Variants in MAN2A1 observed in about 807,000 individuals in gnomAD.
MAN2A1 encodes alpha-mannosidase 2.
Under a neutral mutation model 142.6 loss-of-function variants are expected in MAN2A1, and 76 were observed. The observed-to-expected ratio is 0.53, with a 90% confidence interval of 0.44 to 0.65. The LOEUF is 0.65. MAN2A1 is among the 30% of genes least tolerant of loss of function. The probability of loss-of-function intolerance (pLI) is 0.00; values close to 1 mark genes in which losing one functional copy is unlikely to be tolerated. For missense variants in MAN2A1, 1,311 were observed against 1,365.1 expected, an observed-to-expected ratio of 0.96 and a Z score of 0.62; for synonymous variants, 559 against 473.2, an observed-to-expected ratio of 1.18 and a Z score of -2.35.
At chr5:109,815,760 A>C (rs1271617354) in intron 12 of MAN2A1, among the ~76,000 whole-genome samples, 1 of 152,202 alleles carries the variant, frequency 6.6e-6, no homozygotes, top group East Asian at 1.9e-4. Context: ...TATATAGAAC[A>C]CATATACAGG....
At chr5:109,745,677 G>A (rs1029440302) in intron 4 of MAN2A1, among the ~76,000 whole-genome samples, 1 of 152,210 alleles carries the variant, frequency 6.6e-6, no homozygotes, top group South Asian at 2.1e-4. Flanking sequence ...GGAGTGCAGT[G>A]GTACTATCAT....
At chr5:109,702,074 CA>C (rs1365696276) in intron 1 of MAN2A1, among the ~76,000 whole-genome samples, 1 of 152,052 alleles carries the variant, frequency 6.6e-6, no homozygotes, top group Non-Finnish European at 1.5e-5. Context: ...TTCTGATAAC[CA>C]AAAGCTGCAC....
rs143585162 is a variant in MAN2A1, at chr5:109,827,108, C to T, written c.2566+3271C>T. Among the ~76,000 whole-genome samples the T allele has an allele frequency of 6.1e-3, 936 of 152,218 alleles. 11 individuals are homozygous for T. The highest frequency in any genetic ancestry group is 0.021 in the African/African-American group (886 of 41,534). The stretch of plus-strand genomic sequence containing the variant: ...TTGCATGAGTATTAATGAATAGAGC[C>T]TATTTGTTGTTAGTACCAGATTTTC... On this transcript the variant is annotated intron_variant, in intron 16 of 21. Coordinates refer to ENST00000261483, the MANE Select transcript of MAN2A1 (RefSeq NM_002372.4).
At chr5:109,714,021 CT>C in intron 2 of MAN2A1, among the ~76,000 whole-genome samples, 1 of 151,962 alleles carries the variant, frequency 6.6e-6, no homozygotes, top group East Asian at 1.9e-4. Flanking sequence ...TTTTTGTATG[CT>C]TTTCAGGTCT....
chr5:109,711,977 G>C (rs1242806142), intron 1 of MAN2A1, among the ~76,000 whole-genome samples: 1 of 152,118 alleles, frequency 6.6e-6, no homozygotes, highest in Non-Finnish European at 1.5e-5. Flanking sequence ...GGTCTGAGAA[G>C]GTACATGGCT....
intron 1 of MAN2A1, among the ~76,000 whole-genome samples, chr5:109,696,204 G>C (rs964379097): frequency 6.6e-6 from 1 of 151,914 alleles, no homozygotes; most frequent in Non-Finnish European, 1.5e-5. Context: ...GGGTTCAAGC[G>C]ATTCTCCTGC....
intron 5 of MAN2A1, among the ~76,000 whole-genome samples, chr5:109,765,368 T>C (rs1002796623): frequency 2.6e-5 from 4 of 152,168 alleles, no homozygotes; most frequent in Non-Finnish European, 5.9e-5. Flanking sequence ...TCAAGTTATT[T>C]ATGTATTCTT....
intron 12 of MAN2A1, among the ~76,000 whole-genome samples, chr5:109,811,333 T>C (rs1754311107): frequency 6.6e-6 from 1 of 152,138 alleles, no homozygotes; most frequent in Non-Finnish European, 1.5e-5. Context: ...TTCCAAGAAA[T>C]GAAATTCAGT....
intron 12 of MAN2A1, among the ~76,000 whole-genome samples, chr5:109,815,801 C>T (rs539019620): frequency 5.1e-4 from 78 of 152,144 alleles, no homozygotes; most frequent in African/African-American, 1.7e-3. Flanking sequence ...TTGGTGCTAC[C>T]ATCTATAGCT....
chr5:109,692,060 T>A (rs1236934314), intron 1 of MAN2A1, among the ~76,000 whole-genome samples: 1 of 152,204 alleles, frequency 6.6e-6, no homozygotes, highest in African/African-American at 2.4e-5. Flanking sequence ...TAAAATAATG[T>A]CCTTTGGCTT....
intron 9 of MAN2A1, among the ~76,000 whole-genome samples, chr5:109,784,405 CAG>C (rs573447035): frequency 1.5e-3 from 224 of 152,090 alleles, no homozygotes; most frequent in Admixed American, 4.3e-3. Flanking sequence ...GAAGAAAGGA[CAG>C]AGAAATTTAT....
intron 12 of MAN2A1, among the ~76,000 whole-genome samples, chr5:109,807,159 C>T (rs867375098): frequency 2.0e-5 from 3 of 152,028 alleles, no homozygotes; most frequent in Admixed American, 6.5e-5. Flanking sequence ...GGGCTAGACC[C>T]ACTTCATTTA....
intron 3 of MAN2A1, among the ~76,000 whole-genome samples, chr5:109,717,970 G>A (rs1751501110): frequency 6.6e-6 from 1 of 152,168 alleles, no homozygotes; most frequent in Non-Finnish European, 1.5e-5. Flanking sequence ...GTGAGGTGAG[G>A]TGCTCCCACT....
chr5:109,769,122 G>C (rs544500682), intron 6 of MAN2A1, among the ~76,000 whole-genome samples: 2 of 152,264 alleles, frequency 1.3e-5, no homozygotes, highest in African/African-American at 4.8e-5. Flanking sequence ...AGAGTTTTAG[G>C]ACTTGTGACA....
At chr5:109,800,356 C>T (rs997221045) in intron 12 of MAN2A1, among the ~76,000 whole-genome samples, 16 of 152,116 alleles carry the variant, frequency 1.1e-4, no homozygotes, top group African/African-American at 3.9e-4. Context: ...TGCTATAAAC[C>T]TCTTGCCGGT....
intron 16 of MAN2A1, among the ~76,000 whole-genome samples, chr5:109,841,322 A>T (rs1020550791): frequency 6.6e-6 from 1 of 152,052 alleles, no homozygotes; most frequent in Admixed American, 6.6e-5. Flanking sequence ...CAAGTCCCCA[A>T]AGTCCATTCT....
chr5:109,764,387 A>G (rs1021986709), intron 5 of MAN2A1, among the ~76,000 whole-genome samples: 1 of 152,158 alleles, frequency 6.6e-6, no homozygotes, highest in African/African-American at 2.4e-5. Context: ...GCATGAAGGC[A>G]TGAAATCTTT....
At chr5:109,717,374 G>T (rs1342627558) in intron 3 of MAN2A1, among the ~76,000 whole-genome samples, 1 of 152,090 alleles carries the variant, frequency 6.6e-6, no homozygotes, top group Non-Finnish European at 1.5e-5. Context: ...GATGTGAGAG[G>T]TAGTCTGCAA....
chr5:109,698,699 A>G (rs1023150771), intron 1 of MAN2A1, among the ~76,000 whole-genome samples: 5 of 152,206 alleles, frequency 3.3e-5, no homozygotes, highest in South Asian at 2.1e-4. Context: ...ACCCTGTCCT[A>G]TGTTCTTGCT....
Sources: gnomAD v4.1 joint callset for allele counts (sites outside exome capture counted in the v4.1 genomes callset) on GRCh38, gnomAD v4.1.1 for gene constraint, MANE v1.5 for transcripts, NCBI Gene and HGNC (gene_info 2026-07-23, HGNC 2026-07-21) for gene names.